RALYL: variants seen among roughly 807,000 people sequenced by gnomAD.
RALYL encodes RNA-binding Raly-like protein.
In RALYL, 29 loss-of-function variants were observed where a neutral mutation model predicts 35.1. The ratio of observed to expected loss-of-function variants is 0.83; its 90% CI spans 0.61 to 1.13. The LOEUF (loss-of-function observed/expected upper bound fraction) is 1.13, where lower values mean the gene tolerates loss of function less well. RALYL is among the 50% of genes most tolerant of loss of function. The pLI is 0.00. For missense variants in RALYL, 359 were observed against 360.4 expected (o/e 1.00, Z 0.03); for synonymous variants, 120 against 127.6 (o/e 0.94, Z 0.40).
At chr8:84,336,234 T>C (rs935993516) in intron 1 of RALYL, among the ~76,000 whole-genome samples, 1 of 152,152 alleles carries the variant, frequency 6.6e-6, no homozygotes, top group African/African-American at 2.4e-5. Flanking sequence ...GAATTGATTG[T>C]TTTTCACTTG....
At chr8:84,666,295 A>G (rs1358736485) in intron 2 of RALYL, among the ~76,000 whole-genome samples, 1 of 152,196 alleles carries the variant, frequency 6.6e-6, no homozygotes, top group African/African-American at 2.4e-5. Context: ...GCTCTATTGA[A>G]AAAGGGCCTT....
chr8:84,350,496 C>A (rs548182058), intron 1 of RALYL, among the ~76,000 whole-genome samples: 1 of 150,388 alleles, frequency 6.6e-6, no homozygotes, highest in Non-Finnish European at 1.5e-5. Flanking sequence ...CAGTACTACA[C>A]TGGTCTGCTT....
chr8:84,404,912 T>G (rs1036474468), intron 1 of RALYL, among the ~76,000 whole-genome samples: 7 of 152,110 alleles, frequency 4.6e-5, no homozygotes, highest in African/African-American at 1.7e-4. Context: ...AGACCATACA[T>G]TCTTCTCAGC....
At chr8:84,851,015 A>G (rs376323028) in intron 5 of RALYL, among the ~76,000 whole-genome samples, 1 of 151,958 alleles carries the variant, frequency 6.6e-6, no homozygotes. Flanking sequence ...CCCTATAATG[A>G]GCTATTTCTT....
At chr8:84,484,506 G>C (rs923271791) in intron 1 of RALYL, among the ~76,000 whole-genome samples, 9 of 152,024 alleles carry the variant, frequency 5.9e-5, no homozygotes, top group Non-Finnish European at 1.3e-4. Flanking sequence ...AAAGCAGGAA[G>C]GTGTGAAATG....
chr8:84,613,684 T>C (rs946829744), intron 2 of RALYL, among the ~76,000 whole-genome samples: 3 of 151,380 alleles, frequency 2.0e-5, no homozygotes, highest in Non-Finnish European at 2.9e-5. Context: ...GTTGATCCCA[T>C]ACAATAATGT....
intron 3 of RALYL, among the ~76,000 whole-genome samples, chr8:84,794,139 C>A (rs1821395259): frequency 6.6e-6 from 1 of 152,198 alleles, no homozygotes; most frequent in Non-Finnish European, 1.5e-5. Flanking sequence ...TCAGCTGCTC[C>A]TCCCAACCTA....
At chr8:84,645,763 A>T (rs1008324162) in intron 2 of RALYL, among the ~76,000 whole-genome samples, 1 of 152,086 alleles carries the variant, frequency 6.6e-6, no homozygotes, top group African/African-American at 2.4e-5. Flanking sequence ...TATTCCTTTC[A>T]CACTTCAAGG....
At chr8:84,617,076 C>G (rs1233226381) in intron 2 of RALYL, among the ~76,000 whole-genome samples, 1 of 150,560 alleles carries the variant, frequency 6.6e-6, no homozygotes, top group Admixed American at 6.6e-5. Context: ...GTGATGCAGG[C>G]TCTTTTTTGG....
intron 7 of RALYL, among the ~76,000 whole-genome samples, chr8:84,885,556 C>T (rs1014111038): frequency 2.0e-4 from 31 of 152,188 alleles, no homozygotes; most frequent in African/African-American, 7.5e-4. Flanking sequence ...CCTTACTGCA[C>T]AAATAATGTT....
intron 2 of RALYL, among the ~76,000 whole-genome samples, chr8:84,595,214 C>T (rs1158462299): frequency 6.6e-6 from 1 of 152,112 alleles, no homozygotes; most frequent in African/African-American, 2.4e-5. Flanking sequence ...CAAATTACAT[C>T]TCCAAATACA....
intron 1 of RALYL, among the ~76,000 whole-genome samples, chr8:84,464,932 A>T (rs1046916138): frequency 4.6e-5 from 6 of 129,796 alleles, no homozygotes; most frequent in Non-Finnish European, 1.0e-4. Flanking sequence ...GGCTGCATAA[A>T]TATCTTCTTT....
intron 1 of RALYL, among the ~76,000 whole-genome samples, chr8:84,425,224 C>T (rs1041883033): frequency 6.6e-5 from 10 of 152,140 alleles, no homozygotes; most frequent in South Asian, 4.1e-4. Flanking sequence ...TAGGACCCTC[C>T]GAGCCAGGTG....
chr8:84,272,404 A>ATG (rs1834497977), intron 1 of RALYL, among the ~76,000 whole-genome samples: 1 of 152,252 alleles, frequency 6.6e-6, no homozygotes, highest in Non-Finnish European at 1.5e-5. Context: ...AAGTGTGTAC[A>ATG]TGTTTAATTG....
chr8:84,865,728 T>A (rs1839061496), intron 6 of RALYL, among the ~76,000 whole-genome samples: 1 of 152,088 alleles, frequency 6.6e-6, no homozygotes, highest in African/African-American at 2.4e-5. Flanking sequence ...GAAAAAAAAA[T>A]TCGATCAAGT....
intron 2 of RALYL, among the ~76,000 whole-genome samples, chr8:84,530,879 A>T (rs957788270): frequency 6.6e-6 from 1 of 152,178 alleles, no homozygotes; most frequent in East Asian, 1.9e-4. Context: ...TGCCTCAAGC[A>T]TTCCAAGATT....
intron 1 of RALYL, among the ~76,000 whole-genome samples, chr8:84,204,022 T>C (rs1378920176): frequency 6.7e-6 from 1 of 150,214 alleles, no homozygotes; most frequent in African/African-American, 2.5e-5. Context: ...GTATATCATA[T>C]ATACTCAGTG....
At chr8:84,850,191 C>A (rs1170691834) in intron 5 of RALYL, among the ~76,000 whole-genome samples, 164 bp downstream of exon 5, 1 of 152,026 alleles carries the variant, frequency 6.6e-6, no homozygotes, top group Non-Finnish European at 1.5e-5. Context: ...TTTATATTTT[C>A]ATTATACTTA....
chr8:84,525,386 T>C (rs1479589168), intron 1 of RALYL, among the ~76,000 whole-genome samples: 1 of 152,190 alleles, frequency 6.6e-6, no homozygotes, highest in East Asian at 1.9e-4. Flanking sequence ...ATAGATATTT[T>C]TTCCAATGCC....
Sources: gnomAD v4.1 joint callset for allele counts (sites outside exome capture counted in the v4.1 genomes callset) on GRCh38, gnomAD v4.1.1 for gene constraint, MANE v1.5 for transcripts, NCBI Gene and HGNC (gene_info 2026-07-23, HGNC 2026-07-21) for gene names.